The following TIMD4 variants were observed in gnomAD, a reference collection of about 807,000 sequenced individuals.
TIMD4 encodes the protein T cell immunoglobulin and mucin domain containing 4.
In TIMD4, 31 loss-of-function variants were observed where a neutral mutation model predicts 41.2. The ratio of observed to expected loss-of-function variants is 0.75; its 90% CI spans 0.57 to 1.01. The LOEUF (loss-of-function observed/expected upper bound fraction) is 1.01. Among genes scored for constraint, TIMD4 ranks in the 50% least tolerant of loss-of-function variants. The pLI is 0.00. For missense variants in TIMD4, 479 were observed against 472.5 expected, an observed-to-expected ratio of 1.01 and a Z score of -0.13; for synonymous variants, 204 against 177.1, an observed-to-expected ratio of 1.15 and a Z score of -1.21.
At chr5:156,932,278 G>T (rs1175605792) in intron 5 of TIMD4, among the ~76,000 whole-genome samples, 1 of 152,060 alleles carries the variant, frequency 6.6e-6, no homozygotes, top group East Asian at 1.9e-4. Context: ...TTCATCACTG[G>T]AAACTCCACG....
intron 5 of TIMD4, among the ~76,000 whole-genome samples, chr5:156,933,921 C>G (rs181579953): frequency 3.9e-5 from 6 of 152,100 alleles, no homozygotes; most frequent in Non-Finnish European, 8.8e-5. Flanking sequence ...GCAAAAACAA[C>G]CCCCATGGTA....
At chr5:156,923,143 ATTTTT>A (rs375276732) in intron 6 of TIMD4, among the ~76,000 whole-genome samples, 8,933 of 134,932 alleles carry the variant, frequency 0.066, 637 homozygotes, top group African/African-American at 0.19. Context: ...CTGGGATTAA[ATTTTT>A]TTTTTTTTTT....
chr5:156,925,629 T>C (rs1305612318), intron 6 of TIMD4, among the ~76,000 whole-genome samples: 2 of 152,206 alleles, frequency 1.3e-5, no homozygotes, highest in Non-Finnish European at 2.9e-5. Flanking sequence ...AAGAGAAATA[T>C]TGATGGCAGG....
chr5:156,945,506 T>C (rs999196955), intron 5 of TIMD4, among the ~76,000 whole-genome samples: 4 of 152,096 alleles, frequency 2.6e-5, no homozygotes, highest in Admixed American at 6.5e-5. Flanking sequence ...AGAAAATTAA[T>C]GCAAAAACGC....
chr5:156,950,246 T>G (rs1759828885), intron 3 of TIMD4, among the ~76,000 whole-genome samples: 1 of 152,192 alleles, frequency 6.6e-6, no homozygotes. Flanking sequence ...GATTACAGGC[T>G]CACATCACCA....
chr5:156,920,348 C>G (rs1759211987), intron 8 of TIMD4, 116 bp downstream of exon 8: 1 of 1,167,334 alleles, frequency 8.6e-7, no homozygotes, highest in African/African-American at 1.5e-5. Flanking sequence ...TCACATCTTT[C>G]CAACTCTATG....
intron 5 of TIMD4, among the ~76,000 whole-genome samples, chr5:156,942,705 A>G (rs1237788022): frequency 6.6e-6 from 1 of 152,220 alleles, no homozygotes; most frequent in Non-Finnish European, 1.5e-5. Context: ...AGACATGTAC[A>G]CAGAGTTGCT....
chr5:156,919,707 G>A (rs1251610695), intron 8 of TIMD4, among the ~76,000 whole-genome samples, 166 bp from the exon 9 acceptor site: 5 of 152,110 alleles, frequency 3.3e-5, no homozygotes, highest in African/African-American at 1.2e-4. Flanking sequence ...GGCTGCAGGG[G>A]AAAAAGAGTT....
chr5:156,946,223 C>T (rs1369964563), intron 5 of TIMD4, among the ~76,000 whole-genome samples: 3 of 152,186 alleles, frequency 2.0e-5, no homozygotes, highest in Non-Finnish European at 2.9e-5. Flanking sequence ...TCACTGTCAT[C>T]TCTTTCTTTG....
chr5:156,924,180 T>A (rs1350391411), intron 6 of TIMD4: 6 of 447,340 alleles, frequency 1.3e-5, no homozygotes, highest in Non-Finnish European at 2.6e-5. Context: ...ACCTTCAAAG[T>A]CTATGCAGCA....
At chr5:156,941,288 G>A (rs1156542254) in intron 5 of TIMD4, among the ~76,000 whole-genome samples, 5 of 151,716 alleles carry the variant, frequency 3.3e-5, no homozygotes, top group African/African-American at 9.7e-5. Flanking sequence ...CCCCCTCTCC[G>A]AGAAACACCC....
At chr5:156,943,926 G>T (rs1479017228) in intron 5 of TIMD4, among the ~76,000 whole-genome samples, 2 of 151,676 alleles carry the variant, frequency 1.3e-5, no homozygotes, top group African/African-American at 4.8e-5. Flanking sequence ...CAGGTGTGGT[G>T]GTGGGTGCCT....
chr5:156,938,862 T>C (rs913059694), intron 5 of TIMD4, among the ~76,000 whole-genome samples: 8 of 152,188 alleles, frequency 5.3e-5, no homozygotes, highest in African/African-American at 1.9e-4. Context: ...TTCCAGAATT[T>C]CCTAATCTTT....
chr5:156,938,095 G>T (rs1292894474), intron 5 of TIMD4, among the ~76,000 whole-genome samples: 1 of 152,170 alleles, frequency 6.6e-6, no homozygotes, highest in Non-Finnish European at 1.5e-5. Context: ...AAAATTGTCA[G>T]GTTCTGACAG....
chr5:156,949,288 G>A (rs577558436), intron 4 of TIMD4, among the ~76,000 whole-genome samples: 13 of 152,290 alleles, frequency 8.5e-5, no homozygotes, highest in African/African-American at 2.2e-4. Flanking sequence ...GAAGATTTGC[G>A]TGCATGAAAT....
intron 6 of TIMD4, chr5:156,924,631 G>A (rs745808097): frequency 2.0e-5 from 4 of 199,706 alleles, no homozygotes; most frequent in Non-Finnish European, 4.3e-5. Flanking sequence ...CAGGGTTTAT[G>A]AGGATACATA....
At chr5:156,957,500 G>A (rs1280344029) in intron 1 of TIMD4, among the ~76,000 whole-genome samples, 24 of 64,344 alleles carry the variant, frequency 3.7e-4, no homozygotes, top group Non-Finnish European at 6.1e-4. Context: ...GTGACAGAGC[G>A]AGAGTCTATC....
intron 4 of TIMD4, 44 bp downstream of exon 4, chr5:156,949,607 G>T: frequency 6.8e-7 from 1 of 1,467,246 alleles, no homozygotes; most frequent in Non-Finnish European, 9.6e-7. Flanking sequence ...CTTCTCCTCA[G>T]TACAAAGGGT....
At chr5:156,961,808 CAAAAA>C (rs71578911) in intron 1 of TIMD4, among the ~76,000 whole-genome samples, 5 of 27,984 alleles carry the variant, frequency 1.8e-4, no homozygotes, top group South Asian at 1.7e-3. Context: ...GACTCCGTCT[CAAAAA>C]AAAAAAAAAA....
Sources: gnomAD v4.1 joint callset for allele counts (sites outside exome capture counted in the v4.1 genomes callset) on GRCh38, gnomAD v4.1.1 for gene constraint, MANE v1.5 for transcripts, NCBI Gene and HGNC (gene_info 2026-07-23, HGNC 2026-07-21) for gene names.